The following OSBPL9 variants were observed in gnomAD, a reference collection of about 807,000 sequenced individuals.
OSBPL9 encodes oxysterol binding protein like 9.
In OSBPL9, 40 loss-of-function variants were observed where a neutral mutation model predicts 106.6. The ratio of observed to expected loss-of-function variants is 0.38; its 90% CI spans 0.29 to 0.49. OSBPL9 has a LOEUF of 0.49. OSBPL9 is among the 20% of genes least tolerant of loss of function. OSBPL9 has a pLI of 0.97. For missense variants in OSBPL9, 609 were observed against 887.2 expected, an observed-to-expected ratio of 0.69 and a Z score of 3.98; for synonymous variants, 269 against 295.4, an observed-to-expected ratio of 0.91 and a Z score of 0.92.
At chr1:51,763,022 T>C (rs949865909) in intron 11 of OSBPL9, among the ~76,000 whole-genome samples, 13 of 152,364 alleles carry the variant, frequency 8.5e-5, no homozygotes, top group African/African-American at 3.1e-4. Context: ...TTTTTTGTTT[T>C]TGAGATGGAG....
chr1:51,704,591 C>A (rs1283085339), intron 3 of OSBPL9, among the ~76,000 whole-genome samples: 1 of 152,162 alleles, frequency 6.6e-6, no homozygotes, highest in African/African-American at 2.4e-5. Flanking sequence ...GTTCTGGAGG[C>A]TGGAAGTTTA....
chr1:51,783,871 G>T (rs746087510), intron 17 of OSBPL9, 44 bp from the exon 18 acceptor site: 134 of 1,382,614 alleles, frequency 9.7e-5, no homozygotes, highest in Non-Finnish European at 1.3e-4. Context: ...TTGGAGAGGT[G>T]GCTGTAGGTA....
At position 51,611,684 on chromosome 1, in the gene OSBPL9, A is replaced by G. The variant is rs1236083687; in HGVS notation, c.-352-2621A>G. On this transcript the variant is annotated intron_variant, in intron 2 of 25. Transcript: ENST00000371714. ...ATTCTTGTTCTTCCTTTTTAAAAAC[A>G]AAACAGGCCAGGCACAGTGGCTCAC... Among the ~76,000 whole-genome samples the G allele has an allele frequency of 2.6e-5, 4 of 152,320 alleles. No individual in the cohort carries two copies. The South Asian group carries it at 6.2e-4, about 24-fold the overall frequency.
chr1:51,574,555 G>A (rs1384155428), upstream of OSBPL9, among the ~76,000 whole-genome samples: 3 of 152,158 alleles, frequency 2.0e-5, no homozygotes, highest in East Asian at 3.8e-4. Flanking sequence ...GGAGGCAGAG[G>A]TTGCAGTGAG....
chr1:51,743,050 C>G (rs1667261827), intron 4 of OSBPL9, among the ~76,000 whole-genome samples: 1 of 152,160 alleles, frequency 6.6e-6, no homozygotes, highest in African/African-American at 2.4e-5. Context: ...TGAGAAAACA[C>G]TTGTTAACTA....
intron 8 of OSBPL9, among the ~76,000 whole-genome samples, chr1:51,756,001 G>C (rs918986855): frequency 1.3e-5 from 2 of 152,158 alleles, no homozygotes; most frequent in Non-Finnish European, 2.9e-5. Context: ...TGTTTTCAAA[G>C]GTTCATCCAT....
chr1:51,740,029 C>T (rs1199663096), intron 4 of OSBPL9: 1 of 1,310,662 alleles, frequency 7.6e-7, no homozygotes, highest in African/African-American at 1.5e-5. Flanking sequence ...CATGTACCTA[C>T]TTTTCCTCTG....
chr1:51,530,186 A>AAAAG, the OSBPL9 span, among the ~76,000 whole-genome samples: 1 of 105,084 alleles, frequency 9.5e-6, no homozygotes, highest in Non-Finnish European at 1.9e-5. Flanking sequence ...AAAAAAAAAA[A>AAAAG]AAAAAACAAA....
chr1:51,580,357 C>G (rs1036793343), intron 1 of OSBPL9, among the ~76,000 whole-genome samples: 1 of 152,086 alleles, frequency 6.6e-6, no homozygotes, highest in South Asian at 2.1e-4. Context: ...AGTAGGTGCT[C>G]AATAAATGTT....
chr1:51,626,097 A>C lies in OSBPL9; in HGVS notation c.111+8876A>C, dbSNP rs117624206. Among the ~76,000 whole-genome samples the C allele has an allele frequency of 1.5e-3, 221 of 152,272 alleles. 7 individuals carry two copies. The East Asian group carries it at 0.041, about 28-fold the overall frequency. On this transcript the variant is annotated intron_variant, in intron 1 of 23. Coordinates refer to ENST00000428468, the MANE Select transcript of OSBPL9 (RefSeq NM_024586.6). Reference sequence around the variant, plus strand: ...CAGCTGGGTGAAAATACACTGGATAAAAATGTGATCTGTCGTTCTGGCAGC... The same window carrying C: ...CAGCTGGGTGAAAATACACTGGATACAAATGTGATCTGTCGTTCTGGCAGC...
In OSBPL9 at chr1:51,786,548, C is replaced by G; in HGVS notation, c.1931C>G (p.Thr644Ser). 1 of 1,610,400 alleles carries G rather than the reference C, an allele frequency of 6.2e-7. No homozygotes were observed. The highest frequency in any genetic ancestry group is 2.2e-5 in the East Asian group (1 of 44,812). ...ATGENTVFVD[T>S]KKLPIIKKKV... ...TAGGAAAATACAGTCTTTGTAGATA[C>G]CAAGAAGTTGCCTATAATCAAGAAG... is the stretch of plus-strand genomic sequence containing the variant. Residue 644 changes from threonine to serine, a missense_variant, in exon 22 of 24, where the codon ACC (threonine) becomes AGC (serine). This residue lies in a region of OSBPL9 where 132 missense variants were observed against 158.1 expected (regional missense o/e 0.83). Transcript: ENST00000428468.
At chr1:51,695,777 T>A (rs1287623508) in intron 3 of OSBPL9, among the ~76,000 whole-genome samples, 1 of 152,164 alleles carries the variant, frequency 6.6e-6, no homozygotes, top group South Asian at 2.1e-4. Context: ...ACCTATCTCA[T>A]GTAGTTGTTG....
At chr1:51,641,627 TTATTC>T (rs1472896741) in intron 1 of OSBPL9, among the ~76,000 whole-genome samples, 2 of 152,224 alleles carry the variant, frequency 1.3e-5, no homozygotes, top group Admixed American at 6.5e-5. Flanking sequence ...AGAAGGTTCT[TTATTC>T]TATAGCCAGC....
rs74080632 is a variant in OSBPL9, at chr1:51,788,089, A to G, written c.*300A>G. On this transcript the variant is annotated 3_prime_UTR_variant, in exon 24 of 24. Transcript: ENST00000428468. ...GAAAGCATTTATAAATCCAAGTCTGAAACTCTGCGCTCTAGTACTGCTGTT... is the reference window on the plus strand; with the variant it reads ...GAAAGCATTTATAAATCCAAGTCTGGAACTCTGCGCTCTAGTACTGCTGTT... 1 of 390,380 alleles carries G rather than the reference A, an allele frequency of 2.6e-6. No homozygotes were observed. Among genetic ancestry groups the G allele is most frequent in the Non-Finnish European group, 4.7e-6 (1 of 211,784 alleles). 24.2% of individuals were successfully genotyped at this position (390,380 alleles called of 1,614,324 possible).
intron 20 of OSBPL9, 28 bp downstream of exon 20, chr1:51,784,610 T>G (rs781629337): frequency 6.2e-7 from 1 of 1,606,740 alleles, no homozygotes; most frequent in Non-Finnish European, 8.5e-7. Context: ...CTTAGAGCTC[T>G]TATGCTTTTC....
the OSBPL9 span, among the ~76,000 whole-genome samples, chr1:51,530,176 A>AAAAACAAAAAAAAAAC: frequency 1.9e-5 from 2 of 107,706 alleles, 1 homozygote; most frequent in Non-Finnish European, 3.8e-5. Flanking sequence ...GTCTCAAAAA[A>AAAAACAAAAAAAAAAC]AAAAAAAAAA....
At chr1:51,756,950 AATTGT>A (rs1670472760) in intron 9 of OSBPL9, 1 of 152,116 alleles carries the variant, frequency 6.6e-6, no homozygotes, top group Non-Finnish European at 1.5e-5. Flanking sequence ...GAAAGAAGAA[AATTGT>A]ATTGTTAGTA....
intron 18 of OSBPL9, 96 bp downstream of exon 18, chr1:51,784,121 T>C (rs1018623471): frequency 1.4e-6 from 2 of 1,398,212 alleles, no homozygotes; most frequent in Non-Finnish European, 2.0e-6. Context: ...AGCATTGGTA[T>C]TGGGGGTGAG....
the OSBPL9 span, among the ~76,000 whole-genome samples, chr1:51,559,308 G>A: frequency 1.3e-5 from 2 of 152,024 alleles, no homozygotes; most frequent in Admixed American, 6.6e-5. Context: ...GGTTGCGGGG[G>A]ATGGTGGAGT....
Sources: gnomAD v4.1 joint callset for allele counts (sites outside exome capture counted in the v4.1 genomes callset) on GRCh38, gnomAD v4.1.1 for gene constraint, gnomAD v4.1.1 regional missense constraint, MANE v1.5 for transcripts, NCBI Gene and HGNC (gene_info 2026-07-23, HGNC 2026-07-21) for gene names.